EARS2: variants seen among roughly 807,000 people sequenced by gnomAD.
The protein encoded by EARS2 is glutamyl-tRNA synthetase 2, mitochondrial.
Under a neutral mutation model 54.1 loss-of-function variants are expected in EARS2, and 50 were observed. That is an observed-to-expected ratio of 0.92 (90% CI 0.74 to 1.17). EARS2 has a LOEUF of 1.17. EARS2 is among the 50% of genes most tolerant of loss of function. The pLI is 0.00. For missense variants in EARS2, 673 were observed against 675.0 expected (o/e 1.00, Z 0.03); for synonymous variants, 298 against 281.0 (o/e 1.06, Z -0.61).
chr16:23,549,811 A>C (rs1965663520), intron 2 of EARS2, among the ~76,000 whole-genome samples: 2 of 152,130 alleles, frequency 1.3e-5, no homozygotes, highest in South Asian at 4.2e-4. Context: ...GGTTAGACCA[A>C]GCTGGTCTTT....
chr16:23,543,066 G>A (rs535024380), intron 3 of EARS2, among the ~76,000 whole-genome samples: 2 of 139,030 alleles, frequency 1.4e-5, no homozygotes, highest in African/African-American at 2.7e-5. Flanking sequence ...AGTAAGCTGA[G>A]ATTGCACCAC....
At chr16:23,556,898 A>G (rs1567393882) in intron 1 of EARS2, 2 of 616,062 alleles carry the variant, frequency 3.2e-6, no homozygotes, top group East Asian at 6.9e-5. Flanking sequence ...ACCTTTCTCA[A>G]TGATCACTGT....
intron 4 of EARS2, among the ~76,000 whole-genome samples, chr16:23,534,115 C>T (rs1191079050): frequency 6.6e-6 from 1 of 151,970 alleles, no homozygotes; most frequent in African/African-American, 2.4e-5. Flanking sequence ...AGCAGCAGCT[C>T]AGTCCCATAC....
At chr16:23,553,373 A>G (rs988725847) in intron 1 of EARS2, among the ~76,000 whole-genome samples, 49 of 152,320 alleles carry the variant, frequency 3.2e-4, no homozygotes, top group Non-Finnish European at 6.6e-4. Context: ...CATTGAGGCC[A>G]TATCATGTAC....
intron 2 of EARS2, among the ~76,000 whole-genome samples, chr16:23,551,486 C>T (rs920395249): frequency 9.2e-5 from 14 of 151,838 alleles, no homozygotes; most frequent in Admixed American, 7.2e-4. Flanking sequence ...CGTGGTGGTG[C>T]GTGCCTGTAG....
At chr16:23,547,449 G>A (rs952288767) in intron 2 of EARS2, among the ~76,000 whole-genome samples, 24 of 152,120 alleles carry the variant, frequency 1.6e-4, no homozygotes, top group Non-Finnish European at 1.6e-4. Flanking sequence ...TAAATATATT[G>A]AAAACCACTG....
intron 3 of EARS2, among the ~76,000 whole-genome samples, chr16:23,542,016 G>A (rs1965520865): frequency 1.3e-5 from 2 of 151,982 alleles, no homozygotes; most frequent in Admixed American, 6.6e-5. Context: ...CCGCCATCAT[G>A]CCCAGCTAAT....
At position 23,542,609 on chromosome 16, in the gene EARS2, C is replaced by T. The variant is rs370755049; in HGVS notation, c.485+1905G>A. ...GATTACAGGCGTGAGCCACCACGTC[C>T]GGCCTGTGGACCTTGCTCATTAAAA... On this transcript the variant is annotated intron_variant, in intron 3 of 8. Coordinates refer to ENST00000449606, the MANE Select transcript of EARS2 (RefSeq NM_001083614.2). Among the ~76,000 whole-genome samples the T allele has an allele frequency of 2.0e-5, 3 of 152,054 alleles. No individual in the cohort carries two copies. In the East Asian group the frequency reaches 5.8e-4, roughly 29 times the overall value.
intron 3 of EARS2, among the ~76,000 whole-genome samples, chr16:23,539,235 G>A (rs182131369): frequency 5.6e-4 from 85 of 152,164 alleles, no homozygotes; most frequent in Non-Finnish European, 7.6e-4. Flanking sequence ...TACTGTTTAA[G>A]GCCCAAAGTA....
chr16:23,545,742 C>T (rs1484591732), intron 2 of EARS2, among the ~76,000 whole-genome samples: 4 of 152,184 alleles, frequency 2.6e-5, no homozygotes, highest in Admixed American at 2.6e-4. Context: ...TAGCACACTG[C>T]AGCCTCGAAC....
chr16:23,541,398 TTAAG>T (rs1482445484), intron 3 of EARS2, among the ~76,000 whole-genome samples: 1 of 152,172 alleles, frequency 6.6e-6, no homozygotes. Flanking sequence ...ACGAAACTGA[TTAAG>T]TAAATGAAGT....
chr16:23,547,392 G>C (rs1195071122), intron 2 of EARS2, among the ~76,000 whole-genome samples: 1 of 152,174 alleles, frequency 6.6e-6, no homozygotes, highest in Non-Finnish European at 1.5e-5. Flanking sequence ...TTCTTTTAGG[G>C]GTGATGGAAA....
intron 1 of EARS2, among the ~76,000 whole-genome samples, chr16:23,554,941 G>T (rs1162708133): frequency 6.6e-6 from 1 of 152,234 alleles, no homozygotes; most frequent in Non-Finnish European, 1.5e-5. Flanking sequence ...TTCAGCTACT[G>T]TAATGATCTG....
rs1233376109 is a variant in EARS2, at chr16:23,520,788, T to G, written c.*3583A>C. Reference sequence around the variant, plus strand: ...TAGCAACAGCTTTATTAATTTCGCTTTTTTATTAATTTCTTGTTGAGACAG... The same window carrying G: ...TAGCAACAGCTTTATTAATTTCGCTGTTTTATTAATTTCTTGTTGAGACAG... On this transcript the variant is annotated 3_prime_UTR_variant, in exon 9 of 9. Transcript: ENST00000449606. 2.0e-5 allele frequency among the ~76,000 whole-genome samples: 3 copies of G among 151,930 alleles called. No individual in the cohort carries two copies. Among genetic ancestry groups the G allele is most frequent in the African/African-American group, 7.3e-5 (3 of 41,228 alleles).
In EARS2 at chr16:23,534,963, C is replaced by G. The variant is rs778274880; in HGVS notation, c.883G>C (p.Glu295Gln). 1.1e-5 allele frequency: 17 copies of G among 1,611,342 alleles called. No individual in the cohort carries two copies. In the South Asian group the frequency reaches 1.9e-4, roughly 18 times the overall value. ...AGGAAGCCATCAGCAGCAAAGTGCT[C>G]CAGGAAAACGTCCCCTTGCCTCTTG... ...LSKRQGDVFL[E>Q]HFAADGFLPD... The change falls in exon 4 of 9, where the codon GAG becomes CAG. Residue 295 changes from glutamate to glutamine, a missense_variant. Physicochemically the swap from Glu to Gln is conservative, Grantham distance 29. Transcript: ENST00000449606.
chr16:23,529,452 A>G (rs1392602967), intron 7 of EARS2, 50 bp downstream of exon 7: 1 of 1,590,998 alleles, frequency 6.3e-7, no homozygotes, highest in Non-Finnish European at 8.6e-7. Context: ...CATGGGACAG[A>G]GAGAGGGAAG....
In EARS2 at chr16:23,525,648, T is replaced by G. The variant is rs182455327; in HGVS notation, c.1353-269A>C. ...ATAAGAGGCTTTACTCATTGCTACCTCTGTGTCATGCAATCTTTATGCCTC... is the reference window on the plus strand; with the variant it reads ...ATAAGAGGCTTTACTCATTGCTACCGCTGTGTCATGCAATCTTTATGCCTC... On this transcript the variant is annotated intron_variant, in intron 7 of 8. Transcript: ENST00000449606. Among the ~76,000 whole-genome samples the G allele has an allele frequency of 3.9e-5, 6 of 152,274 alleles. No individual in the cohort carries two copies. The East Asian group carries it at 1.2e-3, about 29-fold the overall frequency.
Position 23,534,831 on chromosome 16 carries a change from G to A in EARS2, c.958+57C>T, listed in dbSNP as rs991651067. ...AAAGAGCAGGACTGTCTGAGCCAAA[G>A]CCCTGCTCCTCCTGGCCATGCTCTC... On this transcript the variant is annotated intron_variant, in intron 4 of 8. Coordinates refer to ENST00000449606, the MANE Select transcript of EARS2 (RefSeq NM_001083614.2). 9 of 1,448,988 alleles carry A rather than the reference G, an allele frequency of 6.2e-6. No individual in the cohort carries two copies. In the South Asian group the frequency reaches 9.8e-5, roughly 16 times the overall value. 89.8% of individuals were successfully genotyped at this position (1,448,988 alleles called of 1,614,324 possible). A position where few individuals can be genotyped will look rare whatever the true frequency, so the allele number is the denominator to read the frequency against.
rs1965140243 is a variant in EARS2, at chr16:23,521,313, C to G, written c.*3058G>C. ...CCTCCCCAAGTCTGACAACCACCATCTTATTTTCTGCCTGTATAATTTTGA... is the reference window on the plus strand; with the variant it reads ...CCTCCCCAAGTCTGACAACCACCATGTTATTTTCTGCCTGTATAATTTTGA... On this transcript the variant is annotated 3_prime_UTR_variant, in exon 9 of 9. Transcript: ENST00000449606. Among the ~76,000 whole-genome samples, 2 of 152,092 alleles carry G rather than the reference C, an allele frequency of 1.3e-5. No individual in the cohort carries two copies. Among genetic ancestry groups the G allele is most frequent in the Non-Finnish European group, 2.9e-5 (2 of 68,024 alleles).
Sources: allele counts gnomAD v4.1 joint callset (sites outside exome capture counted in the v4.1 genomes callset), GRCh38; gene constraint gnomAD v4.1.1; transcripts MANE v1.5; gene names NCBI Gene and HGNC (gene_info 2026-07-23, HGNC 2026-07-21).